CSTF3: variants seen among roughly 807,000 people sequenced by gnomAD.
The protein encoded by CSTF3 is cleavage stimulation factor subunit 3.
A neutral mutation model predicts 105.8 loss-of-function variants in CSTF3; 29 were observed. The observed-to-expected ratio is 0.27, with a 90% CI of 0.20 to 0.37. The LOEUF (loss-of-function observed/expected upper bound fraction) is 0.37, where lower values mean the gene tolerates loss of function less well. Ranked by LOEUF, CSTF3 falls within the 10% of genes least tolerant of loss-of-function variation. The pLI is 1.00. For missense variants in CSTF3, 357 were observed against 879.3 expected, an observed-to-expected ratio of 0.41 and a Z score of 7.51; for synonymous variants, 252 against 281.9, an observed-to-expected ratio of 0.89 and a Z score of 1.06.
intron 1 of CSTF3, among the ~76,000 whole-genome samples, chr11:33,152,749 A>G (rs184550106): frequency 6.6e-6 from 1 of 152,118 alleles, no homozygotes; most frequent in Non-Finnish European, 1.5e-5. Context: ...TCACAAGGTC[A>G]GGAGTTCGAG....
chr11:33,153,265 C>T (rs933714292), intron 1 of CSTF3, among the ~76,000 whole-genome samples: 1 of 151,964 alleles, frequency 6.6e-6, no homozygotes, highest in East Asian at 1.9e-4. Flanking sequence ...CTCACAGTTA[C>T]GTAGTTGGAA....
chr11:33,117,568 A>G (rs1184944657), intron 3 of CSTF3, among the ~76,000 whole-genome samples: 1 of 151,970 alleles, frequency 6.6e-6, no homozygotes, highest in Non-Finnish European at 1.5e-5. Flanking sequence ...TTCCCTACTT[A>G]AAGATGAGAA....
intron 1 of CSTF3, among the ~76,000 whole-genome samples, chr11:33,143,006 T>C (rs991868330): frequency 6.6e-6 from 1 of 152,152 alleles, no homozygotes; most frequent in Non-Finnish European, 1.5e-5. Context: ...TAGGAACCCT[T>C]GGGGTTCCTG....
chr11:33,085,036 T>TGA lies in CSTF3; in HGVS notation c.*49_*50dup. 1 of 1,592,668 alleles carries TGA rather than the reference T, an allele frequency of 6.3e-7. No individual in the cohort carries two copies. Among genetic ancestry groups the TGA allele is most frequent in the South Asian group, 1.1e-5 (1 of 90,600 alleles). ...CGTTGTCTCTTTTAAACATACCACT[T>TGA]GAGGCAAAAGGAATCCTGGACAGGA... is the stretch of plus-strand genomic sequence containing the variant. On this transcript the variant is annotated 3_prime_UTR_variant, in exon 21 of 21. Transcript: ENST00000323959.
At chr11:33,156,692 A>C (rs1849870311) in intron 1 of CSTF3, 1 of 453,722 alleles carries the variant, frequency 2.2e-6, no homozygotes, top group Non-Finnish European at 4.4e-6. Flanking sequence ...AAGGTGAAAT[A>C]TGGCTGGACT....
intron 3 of CSTF3, among the ~76,000 whole-genome samples, chr11:33,117,367 C>G (rs1855440767): frequency 6.6e-6 from 1 of 151,912 alleles, no homozygotes; most frequent in Non-Finnish European, 1.5e-5. Flanking sequence ...TACGAAGGAT[C>G]TGGCAATAAG....
intron 1 of CSTF3, among the ~76,000 whole-genome samples, chr11:33,152,416 A>AC (rs1215778920): frequency 1.3e-5 from 2 of 152,134 alleles, no homozygotes; most frequent in African/African-American, 4.8e-5. Context: ...GGCGTGCACC[A>AC]CCGCACCTGG....
At chr11:33,088,176 G>A (rs1038952032) in intron 17 of CSTF3, among the ~76,000 whole-genome samples, 7 of 151,672 alleles carry the variant, frequency 4.6e-5, no homozygotes, top group African/African-American at 1.2e-4. Flanking sequence ...ACCACCCACC[G>A]TTAAACACAG....
At chr11:33,161,273 G>A (rs1399900860) in intron 1 of CSTF3, 26 bp downstream of exon 1, 11 of 1,612,538 alleles carry the variant, frequency 6.8e-6, no homozygotes, top group Non-Finnish European at 9.3e-6. Context: ...AGGTCGCCAC[G>A]AGGCCCCACC....
At chr11:33,156,719 C>T (rs917643075) in intron 1 of CSTF3, 4 of 453,736 alleles carry the variant, frequency 8.8e-6, no homozygotes, top group African/African-American at 6.0e-5. Flanking sequence ...TGTAATCCAA[C>T]AGTTTGGAAG....
intron 5 of CSTF3, among the ~76,000 whole-genome samples, chr11:33,106,558 G>A (rs1336362169): frequency 2.0e-5 from 3 of 152,048 alleles, no homozygotes; most frequent in African/African-American, 7.2e-5. Context: ...GTGAGACCTC[G>A]TCTCTATAAA....
At position 33,087,092 on chromosome 11, in the gene CSTF3, G is replaced by A; in HGVS notation, c.1691C>T (p.Ala564Val). The A allele has an allele frequency of 6.2e-7, 1 of 1,614,136 alleles. No homozygotes were observed. Among genetic ancestry groups the A allele is most frequent in the African/African-American group, 1.3e-5 (1 of 75,042 alleles). The change falls in exon 18 of 21, where the codon GCT (alanine) becomes GTT (valine). Residue 564 changes from alanine (A) to valine (V), a missense_variant. Physicochemically the swap from Ala to Val is moderately conservative, Grantham distance 64. Transcript: ENST00000323959. The part of the protein sequence containing the change: ...LAAIIPDPVV[A>V]PSIVPVLKDE... ...TTTCAGAACAGGCACTATAGAAGGA[G>A]CTACAACTGGGTCCGGAATTATAGC... is the stretch of plus-strand genomic sequence containing the variant.
chr11:33,111,832 AT>A (rs753676515), intron 3 of CSTF3, among the ~76,000 whole-genome samples: 5 of 152,200 alleles, frequency 3.3e-5, no homozygotes, highest in African/African-American at 1.2e-4. Flanking sequence ...GTGGCCACTG[AT>A]TGTCATTCAT....
In CSTF3 at chr11:33,131,652, C is replaced by T. The variant is rs943836037; in HGVS notation, c.225+10015G>A. The stretch of plus-strand genomic sequence containing the variant: ...ACGAGGTCAGGAGATCGAGACCATC[C>T]TGGCTAACACAGTGAAACCCCATCT... On this transcript the variant is annotated intron_variant, in intron 3 of 20. Transcript: ENST00000323959. 3.9e-5 allele frequency among the ~76,000 whole-genome samples: 6 copies of T among 152,018 alleles called. No homozygotes were observed. The East Asian group carries it at 9.7e-4, about 25-fold the overall frequency.
chr11:33,090,824 A>T (rs1855162052), intron 16 of CSTF3, 97 bp from the exon 17 acceptor site: 3 of 701,924 alleles, frequency 4.3e-6, no homozygotes, highest in Non-Finnish European at 6.4e-6. Context: ...TTTTTCCCTT[A>T]ACTTATAAAA....
chr11:33,143,769 T>C (rs1363287689), intron 1 of CSTF3, among the ~76,000 whole-genome samples: 2 of 148,450 alleles, frequency 1.3e-5, no homozygotes, highest in East Asian at 4.0e-4. Flanking sequence ...GACAGGCAGA[T>C]TACAAGGTCA....
chr11:33,123,431 C>A (rs760021111), intron 3 of CSTF3, among the ~76,000 whole-genome samples: 1 of 152,020 alleles, frequency 6.6e-6, no homozygotes, highest in Non-Finnish European at 1.5e-5. Context: ...ACTATGACAA[C>A]CTCTGTGGAA....
intron 3 of CSTF3, among the ~76,000 whole-genome samples, chr11:33,111,945 A>C (rs1478214639): frequency 6.6e-6 from 1 of 152,222 alleles, no homozygotes; most frequent in Non-Finnish European, 1.5e-5. Flanking sequence ...AACATCATTC[A>C]TTAAAAAAAT....
intron 5 of CSTF3, among the ~76,000 whole-genome samples, chr11:33,106,388 C>T (rs1276405848): frequency 6.6e-6 from 1 of 151,848 alleles, no homozygotes; most frequent in East Asian, 1.9e-4. Context: ...TACACTTCAG[C>T]CTGGGTGACA....
Sources: allele counts gnomAD v4.1 joint callset (sites outside exome capture counted in the v4.1 genomes callset), GRCh38; gene constraint gnomAD v4.1.1; transcripts MANE v1.5; gene names NCBI Gene and HGNC (gene_info 2026-07-23, HGNC 2026-07-21).